Variants in GRIA1 observed in about 807,000 individuals in gnomAD.
GRIA1 encodes glutamate receptor 1.
Under a neutral mutation model 99.2 loss-of-function variants are expected in GRIA1, and 31 were observed. The observed-to-expected ratio is 0.31, with a 90% CI of 0.23 to 0.42. The LOEUF is 0.42. Ranked by LOEUF, GRIA1 falls within the 10% of genes least tolerant of loss-of-function variation. GRIA1 has a pLI of 1.00. For missense variants in GRIA1, 782 were observed against 1,157.5 expected, an observed-to-expected ratio of 0.68 and a Z score of 4.71; for synonymous variants, 438 against 432.4, an observed-to-expected ratio of 1.01 and a Z score of -0.16.
intron 2 of GRIA1, among the ~76,000 whole-genome samples, chr5:153,512,117 A>G (rs1047882538): frequency 1.1e-4 from 16 of 152,184 alleles, no homozygotes; most frequent in Admixed American, 5.9e-4. Flanking sequence ...TGAGGAGGAG[A>G]TGCTGAGATT....
In GRIA1 at chr5:153,593,042, G is replaced by A. The variant is rs201800029; in HGVS notation, c.221-53886G>A. ...GCACTTTGGGAGGCCGAGGTGGGTG[G>A]ATTGCTCAAGGTCAGGAGTTGGAGA... is the stretch of plus-strand genomic sequence containing the variant. On this transcript the variant is annotated intron_variant, in intron 2 of 15. Coordinates refer to ENST00000285900, the MANE Select transcript of GRIA1 (RefSeq NM_000827.4). Among the ~76,000 whole-genome samples, 8 of 152,294 alleles carry A rather than the reference G, an allele frequency of 5.3e-5. No homozygotes were observed. The East Asian group carries it at 1.5e-3, about 29-fold the overall frequency.
At chr5:153,499,632 A>C (rs1754786540) in intron 2 of GRIA1, among the ~76,000 whole-genome samples, 1 of 150,826 alleles carries the variant, frequency 6.6e-6, no homozygotes, top group South Asian at 2.1e-4. Context: ...AAAAAAAAAA[A>C]AAAAAAAACT....
chr5:153,801,616 G>A (rs557466182), intron 14 of GRIA1, among the ~76,000 whole-genome samples: 2 of 152,154 alleles, frequency 1.3e-5, no homozygotes, highest in African/African-American at 4.8e-5. Context: ...AGCCACCTGG[G>A]TCTGCCTCCA....
At chr5:153,629,082 G>GCC (rs1752740054) in intron 2 of GRIA1, among the ~76,000 whole-genome samples, 1 of 152,220 alleles carries the variant, frequency 6.6e-6, no homozygotes, top group South Asian at 2.1e-4. Flanking sequence ...GCAGGGGTGG[G>GCC]CCTGTGTACT....
At chr5:153,566,987 G>T (rs193223577) in intron 2 of GRIA1, among the ~76,000 whole-genome samples, 100 of 152,280 alleles carry the variant, frequency 6.6e-4, no homozygotes, top group South Asian at 5.0e-3. Flanking sequence ...AAAGTGCTGG[G>T]ATTACAGGCA....
chr5:153,590,619 T>A (rs1312092565), intron 2 of GRIA1, among the ~76,000 whole-genome samples: 1 of 151,884 alleles, frequency 6.6e-6, no homozygotes, highest in African/African-American at 2.4e-5. Flanking sequence ...CTTCTCTAAT[T>A]TACCAATAAC....
chr5:153,490,679 G>C lies in GRIA1; in HGVS notation c.-210G>C. 1 of 625,018 alleles carries C rather than the reference G, an allele frequency of 1.6e-6. No individual in the cohort carries two copies. The highest frequency in any genetic ancestry group is 2.7e-5 in the Admixed American group (1 of 37,248). The allele number at this position is 625,018 out of a possible 1,614,324, so 38.7% of individuals were successfully genotyped here. On this transcript the variant is annotated 5_prime_UTR_variant, in exon 1 of 16. Coordinates refer to ENST00000285900, the MANE Select transcript of GRIA1 (RefSeq NM_000827.4). ...TTCTTTTCCCGTGCTCAGTTAATCT[G>C]GCTGTCAGTTGGTGTTAACGCTGCA...
intron 5 of GRIA1, among the ~76,000 whole-genome samples, chr5:153,668,070 C>T (rs1755875304): frequency 6.6e-6 from 1 of 151,428 alleles, no homozygotes; most frequent in East Asian, 1.9e-4. Flanking sequence ...ATCCTCTCAC[C>T]AGCCATATAA....
intron 2 of GRIA1, among the ~76,000 whole-genome samples, chr5:153,590,344 C>T (rs1763854750): frequency 6.6e-6 from 1 of 152,034 alleles, no homozygotes; most frequent in Admixed American, 6.6e-5. Context: ...CAGAGAATGG[C>T]AGATATGGAA....
At chr5:153,595,065 AG>A (rs1445989728) in intron 2 of GRIA1, among the ~76,000 whole-genome samples, 2 of 151,826 alleles carry the variant, frequency 1.3e-5, no homozygotes, top group African/African-American at 4.8e-5. Context: ...TCCATCCTTC[AG>A]ATGTTGTACT....
chr5:153,567,345 G>C (rs1008052341), intron 2 of GRIA1, among the ~76,000 whole-genome samples: 3 of 152,190 alleles, frequency 2.0e-5, no homozygotes, highest in African/African-American at 7.2e-5. Flanking sequence ...AAAATGAAGT[G>C]AGATAATGAA....
chr5:153,687,307 C>T (rs1757409265), intron 8 of GRIA1, among the ~76,000 whole-genome samples: 1 of 152,174 alleles, frequency 6.6e-6, no homozygotes, highest in South Asian at 2.1e-4. Flanking sequence ...CCTGGCTTCA[C>T]CACTTACTAG....
chr5:153,721,487 G>T (rs146463519), intron 11 of GRIA1, among the ~76,000 whole-genome samples: 39 of 152,286 alleles, frequency 2.6e-4, no homozygotes, highest in African/African-American at 8.4e-4. Flanking sequence ...ATGATATCAA[G>T]AATCTCAGGT....
chr5:153,628,490 T>C (rs541936686), intron 2 of GRIA1, among the ~76,000 whole-genome samples: 1 of 152,346 alleles, frequency 6.6e-6, no homozygotes, highest in East Asian at 1.9e-4. Context: ...TGTTTAGTAA[T>C]GCAAGTGTTT....
intron 2 of GRIA1, among the ~76,000 whole-genome samples, chr5:153,526,150 C>G (rs1223721436): frequency 6.6e-6 from 1 of 152,114 alleles, no homozygotes; most frequent in African/African-American, 2.4e-5. Flanking sequence ...AATTTCTGCC[C>G]TGATTACATT....
At position 153,603,075 on chromosome 5, in the gene GRIA1, C is replaced by T. The variant is rs561056112; in HGVS notation, c.221-43853C>T. On this transcript the variant is annotated intron_variant, in intron 2 of 15. Transcript: ENST00000285900. ...CTCCTAATGCTATCCCTCCCCTGTCCCCCCACCCCACAACAGTCCCCAGAG... is the reference window on the plus strand; with the variant it reads ...CTCCTAATGCTATCCCTCCCCTGTCTCCCCACCCCACAACAGTCCCCAGAG... Among the ~76,000 whole-genome samples, 349 of 151,396 alleles carry T rather than the reference C, an allele frequency of 2.3e-3. 1 individual carries two copies. The highest frequency in any genetic ancestry group is 2.5e-3 in the Non-Finnish European group (170 of 67,686).
intron 14 of GRIA1, among the ~76,000 whole-genome samples, chr5:153,798,847 A>G (rs1271670451): frequency 6.6e-6 from 1 of 152,206 alleles, no homozygotes; most frequent in Non-Finnish European, 1.5e-5. Flanking sequence ...ACAAGGAGAA[A>G]TATAGGGGGG....
At chr5:153,721,158 A>G (rs1181512295) in intron 11 of GRIA1, among the ~76,000 whole-genome samples, 1 of 152,194 alleles carries the variant, frequency 6.6e-6, no homozygotes, top group Non-Finnish European at 1.5e-5. Context: ...AGACAGGGAA[A>G]AGGGAATTTT....
chr5:153,609,658 G>C (rs2149407558), intron 2 of GRIA1, among the ~76,000 whole-genome samples: 1 of 148,974 alleles, frequency 6.7e-6, no homozygotes, highest in East Asian at 2.0e-4. Context: ...CCACCTTCCG[G>C]GTTCAGGTCA....
Sources: gnomAD v4.1 joint callset for allele counts (sites outside exome capture counted in the v4.1 genomes callset) on GRCh38, gnomAD v4.1.1 for gene constraint, MANE v1.5 for transcripts, NCBI Gene and HGNC (gene_info 2026-07-23, HGNC 2026-07-21) for gene names.